CECR2: variants seen among roughly 807,000 people sequenced by gnomAD.
The protein encoded by CECR2 is chromatin remodeling regulator CECR2.
Under a neutral mutation model 154.5 loss-of-function variants are expected in CECR2, and 30 were observed. That is an observed-to-expected ratio of 0.19 (90% CI 0.15 to 0.26). CECR2 has a LOEUF of 0.26. Ranked by LOEUF, CECR2 falls within the 10% of genes least tolerant of loss-of-function variation. The probability of loss-of-function intolerance (pLI) is 1.00; values close to 1 mark genes in which losing one functional copy is unlikely to be tolerated. For synonymous variants in CECR2, 725 were observed against 683.7 expected, an observed-to-expected ratio of 1.06 and a Z score of -0.94; for missense variants, 1,743 against 1,829.3, an observed-to-expected ratio of 0.95 and a Z score of 0.86.
At chr22:17,459,346 T>C (rs1012618267) in intron 1 of CECR2, among the ~76,000 whole-genome samples, 3 of 152,194 alleles carry the variant, frequency 2.0e-5, no homozygotes, top group Non-Finnish European at 4.4e-5. Flanking sequence ...GCCTAGAGCA[T>C]AGTGGCATGA....
chr22:17,498,128 C>T (rs146228387), intron 3 of CECR2, among the ~76,000 whole-genome samples: 1,706 of 152,274 alleles, frequency 0.011, 31 homozygotes, highest in African/African-American at 0.038. Context: ...CTGTGGCTCA[C>T]GCCTGTAATC....
At chr22:17,523,867 AAGATTGT>A (rs1229223878) in intron 8 of CECR2, among the ~76,000 whole-genome samples, 1 of 152,176 alleles carries the variant, frequency 6.6e-6, no homozygotes, top group Non-Finnish European at 1.5e-5. Context: ...AATTATCCAT[AAGATTGT>A]CTCCTAAATA....
chr22:17,471,878 T>C (rs2055133788), intron 1 of CECR2, among the ~76,000 whole-genome samples: 1 of 152,232 alleles, frequency 6.6e-6, no homozygotes, highest in Admixed American at 6.5e-5. Context: ...AACTTCTTCT[T>C]AGCCTTTTTT....
Position 17,504,972 on chromosome 22 carries a change from A to G in CECR2, c.826A>G (p.Ser276Gly). 1 of 1,613,512 alleles carries G rather than the reference A, an allele frequency of 6.2e-7. No homozygotes were observed. Among genetic ancestry groups the G allele is most frequent in the Non-Finnish European group, 8.5e-7 (1 of 1,179,840 alleles). ...AGAACGGCAGCTCTACAAGCTCCTC[A>G]GTGAGGACTTCCTGCCTGAGATCTG... ...LRERQLYKLL[S>G]EDFLPEICNM... The change falls in exon 7 of 19, where the codon AGT (serine) becomes GGT (glycine). Residue 276 changes from serine (S) to glycine (G), a missense_variant. Transcript: ENST00000262608.
rs1287447716 is a variant in CECR2, at chr22:17,480,632, T to G, written c.221+2950T>G. Among the ~76,000 whole-genome samples the G allele has an allele frequency of 3.9e-5, 6 of 152,190 alleles. No homozygotes were observed. The East Asian group carries it at 7.7e-4, about 19-fold the overall frequency. ...ACATGCGGTTACTGTGAATGTACACTCGTTCTTGTCTGAAGTTCTACTTTG... is the reference window on the plus strand; with the variant it reads ...ACATGCGGTTACTGTGAATGTACACGCGTTCTTGTCTGAAGTTCTACTTTG... On this transcript the variant is annotated intron_variant, in intron 2 of 18. Transcript: ENST00000262608.
intron 14 of CECR2, 105 bp from the exon 15 acceptor site, chr22:17,541,734 C>T (rs2056525685): frequency 2.2e-6 from 3 of 1,380,504 alleles, no homozygotes; most frequent in Non-Finnish European, 2.9e-6. Flanking sequence ...GTTTAGTCGT[C>T]TGTTTTATTT....
chr22:17,435,916 A>G (rs761557384), intron 1 of CECR2, among the ~76,000 whole-genome samples: 2 of 152,026 alleles, frequency 1.3e-5, no homozygotes, highest in Non-Finnish European at 2.9e-5. Flanking sequence ...AAATTTTTTG[A>G]AACTTTAGTT....
At chr22:17,458,266 T>G (rs778313655) in intron 1 of CECR2, among the ~76,000 whole-genome samples, 2 of 151,990 alleles carry the variant, frequency 1.3e-5, no homozygotes, top group East Asian at 3.9e-4. Flanking sequence ...AATACAAAAA[T>G]TAGCCAGGTG....
At chr22:17,369,300 GGGGCGC>G (rs1207185828), upstream of CECR2, 1 of 151,010 alleles carries the variant, frequency 6.6e-6, no homozygotes, top group South Asian at 2.1e-4. Flanking sequence ...TCTGGGCCCG[GGGGCGC>G]GCGCCCCGCC....
Position 17,410,883 on chromosome 22 carries a change from C to CA in CECR2, c.126+40975dup, listed in dbSNP as rs2054058783. ...CTCTGATTCATTGTTTCTAGAGCTA[C>CA]AGAAGGTAAAAGCTGGAAAGGATGT... is the stretch of plus-strand genomic sequence containing the variant. On this transcript the variant is annotated intron_variant, in intron 1 of 18. Coordinates refer to ENST00000262608, the MANE Select transcript of CECR2 (RefSeq NM_001290047.2). Among the ~76,000 whole-genome samples, 7 of 152,278 alleles carry CA rather than the reference C, an allele frequency of 4.6e-5. No homozygotes were observed. In the South Asian group the frequency reaches 1.4e-3, roughly 32 times the overall value.
Position 17,490,147 on chromosome 22 carries a change from T to TTGTG in CECR2, c.222-7238_222-7235dup, listed in dbSNP as rs66788556. On this transcript the variant is annotated intron_variant, in intron 2 of 18. Transcript: ENST00000262608. ...AGATCTGTTCCTTACTGTTTTTTTT[T>TTGTG]TGTGTGTGTGTGTGTGTGTGTTTGG... 3.9e-3 allele frequency among the ~76,000 whole-genome samples: 582 copies of TTGTG among 149,774 alleles called. 2 individuals are homozygous for TTGTG. Among genetic ancestry groups the TTGTG allele is most frequent in the African/African-American group, 0.013 (521 of 40,734 alleles).
chr22:17,511,738 G>A, intron 7 of CECR2, 75 bp from the exon 8 acceptor site: 2 of 1,292,566 alleles, frequency 1.5e-6, no homozygotes, highest in South Asian at 1.4e-5. Context: ...ACTGGCGGCA[G>A]CAGCAGCAGC....
At chr22:17,455,831 G>A (rs541923852) in intron 1 of CECR2, among the ~76,000 whole-genome samples, 103 of 152,262 alleles carry the variant, frequency 6.8e-4, no homozygotes, top group Non-Finnish European at 1.0e-3. Context: ...GGCTGGTCTC[G>A]AACTTCTGAC....
chr22:17,423,559 T>C (rs978262328), intron 1 of CECR2, among the ~76,000 whole-genome samples: 1 of 151,744 alleles, frequency 6.6e-6, no homozygotes, highest in African/African-American at 2.4e-5. Context: ...TCAGAATGGC[T>C]CCTTTCCAGA....
At chr22:17,483,525 G>A (rs535389728) in intron 2 of CECR2, among the ~76,000 whole-genome samples, 1 of 152,232 alleles carries the variant, frequency 6.6e-6, no homozygotes, top group East Asian at 1.9e-4. Context: ...AGGTTGAGGT[G>A]GGAGGATCAG....
Position 17,557,478 on chromosome 22 carries a change from G to A in CECR2, c.*4638G>A, listed in dbSNP as rs1371123979. ...TTTTTTAAATTAAGCTGGGACACAA[G>A]TTTTGCCTCCAGGCTGGATGTTGAT... is the stretch of plus-strand genomic sequence containing the variant. On this transcript the variant is annotated 3_prime_UTR_variant, in exon 19 of 19. Coordinates refer to ENST00000262608, the MANE Select transcript of CECR2 (RefSeq NM_001290047.2). The A allele has an allele frequency of 6.6e-6, 1 of 152,156 alleles. No individual in the cohort carries two copies. The highest frequency in any genetic ancestry group is 1.5e-5 in the Non-Finnish European group (1 of 68,076). 9.4% of individuals were successfully genotyped at this position (152,156 alleles called of 1,614,324 possible). A position where few individuals can be genotyped will look rare whatever the true frequency, so the allele number is the denominator to read the frequency against.
chr22:17,435,684 T>TAAAAAA, intron 1 of CECR2, among the ~76,000 whole-genome samples: 1 of 90,928 alleles, frequency 1.1e-5, no homozygotes, highest in South Asian at 4.4e-4. Flanking sequence ...TTTTAATTCT[T>TAAAAAA]AAAAAAAAAA....
chr22:17,371,370 G>C (rs1179030448), intron 1 of CECR2, among the ~76,000 whole-genome samples: 1 of 152,136 alleles, frequency 6.6e-6, no homozygotes, highest in Non-Finnish European at 1.5e-5. Flanking sequence ...TTTAGGAAGA[G>C]GTAATAACGG....
chr22:17,444,287 A>G (rs2054626308), intron 1 of CECR2, among the ~76,000 whole-genome samples: 1 of 152,178 alleles, frequency 6.6e-6, no homozygotes, highest in East Asian at 1.9e-4. Flanking sequence ...CAGGTGACAT[A>G]TGAATAAGCA....
Sources: allele counts gnomAD v4.1 joint callset (sites outside exome capture counted in the v4.1 genomes callset), GRCh38; gene constraint gnomAD v4.1.1; transcripts MANE v1.5; gene names NCBI Gene and HGNC (gene_info 2026-07-23, HGNC 2026-07-21).